Variants in DCC observed in about 807,000 individuals in gnomAD.
The protein encoded by DCC is DCC netrin 1 receptor, also known as netrin receptor DCC.
In DCC, 58 loss-of-function variants were observed where a neutral mutation model predicts 172.5. The ratio of observed to expected loss-of-function variants is 0.34; its 90% CI spans 0.27 to 0.42. The LOEUF is 0.42. DCC is among the 10% of genes least tolerant of loss of function. DCC has a pLI of 1.00. For missense variants in DCC, 1,740 were observed against 1,791.0 expected, an observed-to-expected ratio of 0.97 and a Z score of 0.51; for synonymous variants, 709 against 644.5, an observed-to-expected ratio of 1.10 and a Z score of -1.52.
chr18:53,059,635 G>T (rs142323519), intron 5 of DCC, among the ~76,000 whole-genome samples: 1 of 151,966 alleles, frequency 6.6e-6, no homozygotes, highest in African/African-American at 2.4e-5. Context: ...ATCAATACCC[G>T]TTATTTTCTC....
chr18:53,084,488 G>T (rs554615267), intron 7 of DCC, among the ~76,000 whole-genome samples: 12 of 152,132 alleles, frequency 7.9e-5, no homozygotes, highest in Non-Finnish European at 1.6e-4. Context: ...GTTTGTGCAG[G>T]ATATGAGTTG....
intron 5 of DCC, among the ~76,000 whole-genome samples, chr18:53,046,350 T>C (rs772226198): frequency 1.3e-5 from 2 of 151,760 alleles, no homozygotes; most frequent in African/African-American, 4.8e-5. Flanking sequence ...AAATATTAAG[T>C]GAAAAAATAA....
At chr18:53,021,672 T>C (rs572473674) in intron 5 of DCC, among the ~76,000 whole-genome samples, 73 of 152,338 alleles carry the variant, frequency 4.8e-4, no homozygotes, top group African/African-American at 1.8e-3. Context: ...AACTACTTAA[T>C]TTTGAAGTTC....
At chr18:53,159,691 G>C (rs767985153) in intron 8 of DCC, among the ~76,000 whole-genome samples, 8 of 149,130 alleles carry the variant, frequency 5.4e-5, no homozygotes, top group Non-Finnish European at 1.5e-5. Context: ...ATATGTAAAA[G>C]TGTGGTTTCT....
chr18:53,098,580 T>C (rs2043119937), intron 7 of DCC, among the ~76,000 whole-genome samples: 1 of 152,216 alleles, frequency 6.6e-6, no homozygotes, highest in Admixed American at 6.5e-5. Context: ...GAACTGATGC[T>C]GTTGTTCTCA....
intron 25 of DCC, among the ~76,000 whole-genome samples, chr18:53,478,534 C>A (rs1169592395): frequency 2.0e-5 from 3 of 152,030 alleles, no homozygotes; most frequent in Admixed American, 6.6e-5. Flanking sequence ...TTGTCACTTA[C>A]CTTTCTCTGT....
chr18:53,266,489 C>G (rs2056676339), intron 12 of DCC, among the ~76,000 whole-genome samples: 1 of 152,160 alleles, frequency 6.6e-6, no homozygotes, highest in Non-Finnish European at 1.5e-5. Context: ...AGTTGAGACT[C>G]AACCCAATGC....
At chr18:53,396,525 T>C (rs1908956554) in intron 17 of DCC, among the ~76,000 whole-genome samples, 1 of 152,214 alleles carries the variant, frequency 6.6e-6, no homozygotes, top group African/African-American at 2.4e-5. Flanking sequence ...TTAGTATTTA[T>C]CCAAATTGCT....
At chr18:53,122,572 A>T (rs1002773890) in intron 7 of DCC, among the ~76,000 whole-genome samples, 1 of 151,992 alleles carries the variant, frequency 6.6e-6, no homozygotes, top group African/African-American at 2.4e-5. Flanking sequence ...GAAAAACTTT[A>T]TCTTGGAAAA....
chr18:53,376,947 T>C (rs1339032574), intron 15 of DCC, among the ~76,000 whole-genome samples: 2 of 152,208 alleles, frequency 1.3e-5, no homozygotes, highest in African/African-American at 2.4e-5. Context: ...CAGGCCCCTA[T>C]GGTCTTTGCC....
chr18:52,686,880 G>A (rs2035845319), intron 1 of DCC, among the ~76,000 whole-genome samples: 3 of 151,958 alleles, frequency 2.0e-5, no homozygotes, highest in Non-Finnish European at 2.9e-5. Flanking sequence ...ATTTCCCCTT[G>A]ACAGCATGAA....
chr18:53,176,027 A>G (rs1474483548), intron 8 of DCC, among the ~76,000 whole-genome samples: 1 of 150,514 alleles, frequency 6.6e-6, no homozygotes, highest in African/African-American at 2.4e-5. Flanking sequence ...AACGTCGCAT[A>G]TCTACAACTA....
chr18:52,952,935 C>CTGCA (rs1261993646), intron 5 of DCC, among the ~76,000 whole-genome samples: 1 of 131,408 alleles, frequency 7.6e-6, no homozygotes, highest in East Asian at 2.4e-4. Context: ...GAAGTCAAGG[C>CTGCA]TGCAGTTAGC....
chr18:53,085,721 A>G lies in DCC; in HGVS notation c.1261+19555A>G, dbSNP rs533781901. Among the ~76,000 whole-genome samples, 13 of 152,030 alleles carry G rather than the reference A, an allele frequency of 8.6e-5. No homozygotes were observed. The East Asian group carries it at 2.1e-3, about 25-fold the overall frequency. ...ACTTCTCAGGTGGGAAGATGGTAGA[A>G]TCATCACTGCCATCTCCAAAACTAC... On this transcript the variant is annotated intron_variant, in intron 7 of 28. Coordinates refer to ENST00000442544, the MANE Select transcript of DCC (RefSeq NM_005215.4).
chr18:53,431,246 A>G (rs1911589667), intron 21 of DCC, among the ~76,000 whole-genome samples: 1 of 147,246 alleles, frequency 6.8e-6, no homozygotes, highest in African/African-American at 2.5e-5. Flanking sequence ...GTAGAAAATC[A>G]TTTGCTTTTA....
chr18:53,262,954 C>T (rs1184010610), intron 12 of DCC, among the ~76,000 whole-genome samples: 1 of 152,002 alleles, frequency 6.6e-6, no homozygotes, highest in Non-Finnish European at 1.5e-5. Flanking sequence ...TTTAAGAATA[C>T]AATAAGCATA....
intron 15 of DCC, among the ~76,000 whole-genome samples, chr18:53,371,141 T>TATAA (rs10635475): frequency 0.49 from 73,926 of 151,414 alleles, 18,623 homozygotes; most frequent in Non-Finnish European, 0.55. Flanking sequence ...GGCCAAATCT[T>TATAA]ATAAGATGAG....
chr18:52,652,064 A>G (rs1342025079), intron 1 of DCC, among the ~76,000 whole-genome samples: 1 of 152,240 alleles, frequency 6.6e-6, no homozygotes, highest in East Asian at 1.9e-4. Context: ...GACTTAGGCT[A>G]CTTACAATTT....
chr18:53,030,591 A>T (rs1322524569), intron 5 of DCC, among the ~76,000 whole-genome samples: 1 of 152,152 alleles, frequency 6.6e-6, no homozygotes, highest in East Asian at 1.9e-4. Flanking sequence ...TTGAGTAATA[A>T]CCAGAGGCTA....
Sources: gnomAD v4.1 joint callset for allele counts (sites outside exome capture counted in the v4.1 genomes callset) on GRCh38, gnomAD v4.1.1 for gene constraint, MANE v1.5 for transcripts, NCBI Gene and HGNC (gene_info 2026-07-23, HGNC 2026-07-21) for gene names.